L3MBTL4: variants seen among roughly 807,000 people sequenced by gnomAD.
L3MBTL4 encodes L3MBTL histone methyl-lysine binding protein 4.
L3MBTL4 carries 70 observed loss-of-function variants against 84.5 expected under a neutral mutation model. The observed-to-expected ratio is 0.83, with a 90% confidence interval of 0.68 to 1.01. The LOEUF is 1.01. Among genes scored for constraint, L3MBTL4 ranks in the 50% least tolerant of loss-of-function variants. L3MBTL4 has a pLI of 0.00. For missense variants in L3MBTL4, 715 were observed against 754.8 expected (o/e 0.95, Z 0.62); for synonymous variants, 274 against 259.8 (o/e 1.05, Z -0.52).
chr18:6,017,328 T>A (rs368624927), intron 16 of L3MBTL4, among the ~76,000 whole-genome samples: 2,946 of 57,780 alleles, frequency 0.051, 86 homozygotes, highest in African/African-American at 0.16. Context: ...GCGTGAGAGA[T>A]GCTGGCGCGC....
chr18:6,324,020 G>C (rs1212245151), intron 1 of L3MBTL4, among the ~76,000 whole-genome samples: 1 of 152,222 alleles, frequency 6.6e-6, no homozygotes, highest in Non-Finnish European at 1.5e-5. Context: ...ACTGCTCCCT[G>C]CATCCCAGCC....
At chr18:5,960,021 T>C (rs2095254616) in intron 18 of L3MBTL4, 73 bp downstream of exon 18, 2 of 273,032 alleles carry the variant, frequency 7.3e-6, no homozygotes, top group Non-Finnish European at 1.2e-5. Flanking sequence ...CATATATATA[T>C]ATACATATAT....
intron 13 of L3MBTL4, among the ~76,000 whole-genome samples, chr18:6,144,119 C>T (rs2042543415): frequency 6.9e-6 from 1 of 143,942 alleles, no homozygotes; most frequent in African/African-American, 2.6e-5. Flanking sequence ...TGGCGTGAAC[C>T]TGGAAGGTGG....
At chr18:6,289,980 A>G (rs776029740) in intron 4 of L3MBTL4, among the ~76,000 whole-genome samples, 1 of 152,010 alleles carries the variant, frequency 6.6e-6, no homozygotes, top group South Asian at 2.1e-4. Context: ...CTTGAGTGCA[A>G]TGGTGTGATC....
At chr18:6,042,391 C>T (rs1568023790) in intron 16 of L3MBTL4, among the ~76,000 whole-genome samples, 1 of 151,836 alleles carries the variant, frequency 6.6e-6, no homozygotes, top group South Asian at 2.1e-4. Context: ...ACACACACAC[C>T]AAGCACGTAA....
intron 1 of L3MBTL4, among the ~76,000 whole-genome samples, chr18:6,413,004 G>C (rs2056033621): frequency 6.6e-6 from 1 of 152,096 alleles, no homozygotes; most frequent in Admixed American, 6.5e-5. Flanking sequence ...GGGATCCTTT[G>C]AGCCCAGGAG....
intron 12 of L3MBTL4, among the ~76,000 whole-genome samples, chr18:6,187,180 G>T (rs2044816005): frequency 1.3e-5 from 2 of 152,138 alleles, no homozygotes. Flanking sequence ...ATATATATTT[G>T]AGTTTTAAAC....
At chr18:6,246,023 C>G (rs1033282295) in intron 5 of L3MBTL4, among the ~76,000 whole-genome samples, 2 of 152,084 alleles carry the variant, frequency 1.3e-5, no homozygotes, top group African/African-American at 4.8e-5. Context: ...TCAAGAAAAG[C>G]GTTTTGAATA....
intron 17 of L3MBTL4, among the ~76,000 whole-genome samples, chr18:5,966,045 G>A (rs867856414): frequency 1.5e-4 from 23 of 152,266 alleles, no homozygotes; most frequent in East Asian, 3.9e-4. Context: ...ACTAAAGACC[G>A]GGGCTCTCAT....
chr18:6,090,722 T>C (rs2058424547), intron 15 of L3MBTL4, among the ~76,000 whole-genome samples: 1 of 150,866 alleles, frequency 6.6e-6, no homozygotes, highest in Admixed American at 6.6e-5. Flanking sequence ...CTTCCCAGGC[T>C]CAAGTGATCC....
chr18:6,064,524 A>G (rs1344780157), intron 16 of L3MBTL4, among the ~76,000 whole-genome samples: 1 of 150,696 alleles, frequency 6.6e-6, no homozygotes, highest in African/African-American at 2.4e-5. Flanking sequence ...TGTGCCATCT[A>G]TGATTTCTCT....
intron 17 of L3MBTL4, among the ~76,000 whole-genome samples, chr18:5,965,998 G>A (rs2052335633): frequency 6.6e-6 from 1 of 152,174 alleles, no homozygotes; most frequent in African/African-American, 2.4e-5. Flanking sequence ...TCTCCCAGCA[G>A]CAAGGGCTGA....
At chr18:6,359,633 G>A (rs1209929642) in intron 1 of L3MBTL4, among the ~76,000 whole-genome samples, 1 of 151,750 alleles carries the variant, frequency 6.6e-6, no homozygotes. Flanking sequence ...TTGTTCTAGG[G>A]ATTTCTAGGG....
intron 16 of L3MBTL4, among the ~76,000 whole-genome samples, chr18:6,041,311 T>C (rs1228290577): frequency 6.6e-6 from 1 of 152,220 alleles, no homozygotes; most frequent in African/African-American, 2.4e-5. Flanking sequence ...TCTCAGGCCA[T>C]GCCCACCACA....
intron 10 of L3MBTL4, among the ~76,000 whole-genome samples, chr18:6,234,757 G>A (rs900437985): frequency 4.6e-4 from 70 of 152,270 alleles, no homozygotes; most frequent in African/African-American, 1.6e-3. Flanking sequence ...AAGACAGTGT[G>A]GCGATTCCTC....
intron 14 of L3MBTL4, among the ~76,000 whole-genome samples, chr18:6,123,731 T>C (rs1382045282): frequency 6.6e-6 from 1 of 152,234 alleles, no homozygotes; most frequent in Non-Finnish European, 1.5e-5. Context: ...TCCAATCATC[T>C]TGTTTTGCAG....
chr18:6,269,054 G>C (rs2048755762), intron 4 of L3MBTL4, among the ~76,000 whole-genome samples: 1 of 152,156 alleles, frequency 6.6e-6, no homozygotes, highest in African/African-American at 2.4e-5. Flanking sequence ...AGTCAAAATG[G>C]AACAGAAATT....
chr18:6,173,260 G>C (rs142450501), intron 12 of L3MBTL4, among the ~76,000 whole-genome samples: 508 of 152,170 alleles, frequency 3.3e-3, no homozygotes, highest in Middle Eastern at 6.8e-3. Context: ...GAATATTTTC[G>C]GACATCGGAC....
chr18:5,959,218 C>T (rs986392547), intron 18 of L3MBTL4, among the ~76,000 whole-genome samples: 2 of 152,192 alleles, frequency 1.3e-5, no homozygotes, highest in Admixed American at 6.5e-5. Context: ...TCTAGAGCAG[C>T]GATGGAGGCT....
Sources: gnomAD v4.1 joint callset for allele counts (sites outside exome capture counted in the v4.1 genomes callset) on GRCh38, gnomAD v4.1.1 for gene constraint, MANE v1.5 for transcripts, NCBI Gene and HGNC (gene_info 2026-07-23, HGNC 2026-07-21) for gene names.